Variants in ATE1 observed in about 807,000 individuals in gnomAD.
The protein encoded by ATE1 is arginyl-tRNA--protein transferase 1.
Under a neutral mutation model 70.5 loss-of-function variants are expected in ATE1, and 36 were observed. That is an observed-to-expected ratio of 0.51 (90% confidence interval 0.39 to 0.67). The LOEUF is 0.67. Among genes scored for constraint, ATE1 ranks in the 30% least tolerant of loss-of-function variants. The probability of loss-of-function intolerance (pLI) is 0.00; values close to 1 mark genes in which losing one functional copy is unlikely to be tolerated. For missense variants in ATE1, 593 were observed against 629.5 expected, an observed-to-expected ratio of 0.94 and a Z score of 0.62; for synonymous variants, 232 against 219.3, an observed-to-expected ratio of 1.06 and a Z score of -0.51.
intron 11 of ATE1, among the ~76,000 whole-genome samples, chr10:121,753,103 T>C (rs1220581164): frequency 6.6e-6 from 1 of 152,262 alleles, no homozygotes. Context: ...TTAATGCTGT[T>C]GTAAACGCAA....
rs1315327727 is a variant in ATE1, at chr10:121,850,565, A to G, written c.976-9302T>C. Among the ~76,000 whole-genome samples the G allele has an allele frequency of 3.9e-5, 6 of 152,312 alleles. 1 individual carries two copies. In the South Asian group the frequency reaches 8.3e-4, roughly 21 times the overall value. ...TCATGAAATAATTTTGAACTTGAGG[A>G]CCCTCTGAAAGGGCCTCAGGGACCC... On this transcript the variant is annotated intron_variant, in intron 8 of 11. Coordinates refer to ENST00000224652, the MANE Select transcript of ATE1 (RefSeq NM_001001976.3).
chr10:121,911,376 C>T (rs950659663), intron 4 of ATE1, among the ~76,000 whole-genome samples: 4 of 150,750 alleles, frequency 2.7e-5, no homozygotes, highest in Non-Finnish European at 5.9e-5. Flanking sequence ...CACAGGAGGA[C>T]TGCTTGAGGC....
chr10:121,917,700 G>GA (rs1009847388), intron 3 of ATE1, among the ~76,000 whole-genome samples: 12 of 152,214 alleles, frequency 7.9e-5, no homozygotes, highest in Admixed American at 5.2e-4. Context: ...ACAGGGAGAT[G>GA]AAAAACCAAA....
intron 1 of ATE1, among the ~76,000 whole-genome samples, chr10:121,926,210 A>AAAAT (rs202203421): frequency 0.014 from 2,082 of 152,214 alleles, 37 homozygotes; most frequent in African/African-American, 0.048. Context: ...ACTGTGTCTC[A>AAAAT]AAATAAATAA....
At chr10:121,822,006 A>G (rs368285264) in intron 10 of ATE1, among the ~76,000 whole-genome samples, 1 of 152,286 alleles carries the variant, frequency 6.6e-6, no homozygotes, top group East Asian at 1.9e-4. Flanking sequence ...TACTAAACCT[A>G]AACACACGCA....
chr10:121,757,121 C>T (rs922447826), intron 11 of ATE1, among the ~76,000 whole-genome samples: 1 of 152,308 alleles, frequency 6.6e-6, no homozygotes. Flanking sequence ...AATCACCTCT[C>T]TCAAGTTCAA....
At chr10:121,886,448 C>A (rs1950402379) in intron 7 of ATE1, among the ~76,000 whole-genome samples, 1 of 152,040 alleles carries the variant, frequency 6.6e-6, no homozygotes. Flanking sequence ...ATACATGGTC[C>A]CAGTGTGAGT....
chr10:121,772,959 C>A (rs1367167359), intron 11 of ATE1, among the ~76,000 whole-genome samples: 1 of 152,184 alleles, frequency 6.6e-6, no homozygotes, highest in Non-Finnish European at 1.5e-5. Context: ...ACAAAAAGTT[C>A]TAAAGAGAAT....
At chr10:121,784,483 T>C (rs762947351) in intron 11 of ATE1, among the ~76,000 whole-genome samples, 28 of 152,218 alleles carry the variant, frequency 1.8e-4, no homozygotes, top group Non-Finnish European at 3.7e-4. Context: ...AAGTCTAGTA[T>C]CTTTTTAAAC....
intron 7 of ATE1, among the ~76,000 whole-genome samples, chr10:121,888,266 C>T (rs577118821): frequency 5.9e-5 from 9 of 152,056 alleles, no homozygotes; most frequent in East Asian, 3.9e-4. Context: ...TGGTGGCAGG[C>T]GCCTGGAGTC....
At chr10:121,758,409 CA>C (rs1205669510) in intron 11 of ATE1, among the ~76,000 whole-genome samples, 3 of 152,202 alleles carry the variant, frequency 2.0e-5, no homozygotes, top group East Asian at 3.9e-4. Context: ...TGATTCTTTC[CA>C]AAAGAATTAA....
intron 7 of ATE1, among the ~76,000 whole-genome samples, chr10:121,894,042 C>T (rs1008677065): frequency 1.3e-5 from 2 of 150,628 alleles, no homozygotes; most frequent in Non-Finnish European, 2.9e-5. Context: ...TAGGCTGAGG[C>T]AGGAGAATCA....
intron 11 of ATE1, among the ~76,000 whole-genome samples, chr10:121,775,418 C>G (rs908932900): frequency 1.3e-5 from 2 of 151,912 alleles, no homozygotes; most frequent in Non-Finnish European, 1.5e-5. Flanking sequence ...ACCACGGTGG[C>G]ACATGTATAA....
chr10:121,851,092 A>G (rs1316236673), intron 8 of ATE1, among the ~76,000 whole-genome samples: 1 of 41,648 alleles, frequency 2.4e-5, no homozygotes, highest in Non-Finnish European at 5.0e-5. Flanking sequence ...CTCCATCTCA[A>G]AAAAAAAAAA....
intron 10 of ATE1, among the ~76,000 whole-genome samples, chr10:121,807,874 C>G (rs1044192313): frequency 6.6e-6 from 1 of 152,252 alleles, no homozygotes; most frequent in Middle Eastern, 3.4e-3. Context: ...ATTTCAATGT[C>G]CATAGAGAAA....
chr10:121,747,204 G>C (rs1944405986), intron 11 of ATE1, among the ~76,000 whole-genome samples: 2 of 152,040 alleles, frequency 1.3e-5, no homozygotes, highest in South Asian at 4.2e-4. Context: ...TTGTTAATTT[G>C]TCCAGGGACA....
intron 10 of ATE1, among the ~76,000 whole-genome samples, chr10:121,792,511 T>A (rs995790392): frequency 6.6e-6 from 1 of 152,194 alleles, no homozygotes; most frequent in Non-Finnish European, 1.5e-5. Context: ...CCTACAGCAG[T>A]AGAAGGCCAT....
intron 10 of ATE1, among the ~76,000 whole-genome samples, chr10:121,833,096 T>C (rs561214253): frequency 6.6e-6 from 1 of 152,306 alleles, no homozygotes; most frequent in Non-Finnish European, 1.5e-5. Flanking sequence ...TTGCAAAAAC[T>C]GAGACCAGAT....
chr10:121,854,037 CAT>C (rs1034760421), intron 8 of ATE1, among the ~76,000 whole-genome samples: 7 of 152,134 alleles, frequency 4.6e-5, no homozygotes, highest in South Asian at 2.1e-4. Context: ...TAGGTTCTAA[CAT>C]ATAAATTTTG....
Sources: gnomAD v4.1 joint callset for allele counts (sites outside exome capture counted in the v4.1 genomes callset) on GRCh38, gnomAD v4.1.1 for gene constraint, MANE v1.5 for transcripts, NCBI Gene and HGNC (gene_info 2026-07-23, HGNC 2026-07-21) for gene names.